ZNF423: variants seen among roughly 807,000 people sequenced by gnomAD.
ZNF423 encodes the protein Ebf-associated zinc finger protein.
In ZNF423, 12 loss-of-function variants were observed where a neutral mutation model predicts 95.8. That is an observed-to-expected ratio of 0.13 (90% CI 0.08 to 0.20). The LOEUF (loss-of-function observed/expected upper bound fraction) is 0.20, where lower values mean the gene tolerates loss of function less well. Among genes scored for constraint, ZNF423 ranks in the 10% least tolerant of loss-of-function variants. ZNF423 has a pLI of 1.00. For synonymous variants in ZNF423, 749 were observed against 711.9 expected (o/e 1.05, Z -0.83); for missense variants, 1,316 against 1,737.1 (o/e 0.76, Z 4.31).
intron 1 of ZNF423, among the ~76,000 whole-genome samples, chr16:49,842,394 AAGGAAGGAAGGAAGGAAGGCAGGCAGGC>A (rs1345148697): frequency 8.7e-6 from 1 of 114,500 alleles, no homozygotes; most frequent in Non-Finnish European, 1.9e-5. Flanking sequence ...GGAAGGAAGG[AAGGAAGGAAGGAAGGAAGGCAGGCAGGC>A]AGGCAGGCAG....
intron 3 of ZNF423, among the ~76,000 whole-genome samples, chr16:49,669,285 C>T (rs763224017): frequency 2.3e-4 from 35 of 151,104 alleles, no homozygotes; most frequent in African/African-American, 6.6e-4. Flanking sequence ...GCTGAGTTCG[C>T]GCCATTGCAC....
intron 3 of ZNF423, chr16:49,664,334 G>C: frequency 2.1e-6 from 2 of 966,104 alleles, no homozygotes; most frequent in South Asian, 4.8e-5. Context: ...CCCAGCTAGC[G>C]GGAGAGGAAG....
At chr16:49,821,805 G>C (rs1050464299) in intron 1 of ZNF423, among the ~76,000 whole-genome samples, 1 of 152,112 alleles carries the variant, frequency 6.6e-6, no homozygotes, top group Non-Finnish European at 1.5e-5. Context: ...GAGGCCACAC[G>C]GGGCTCCCCA....
chr16:49,674,338 G>T (rs2030948697), intron 3 of ZNF423, among the ~76,000 whole-genome samples: 1 of 152,156 alleles, frequency 6.6e-6, no homozygotes, highest in Non-Finnish European at 1.5e-5. Context: ...TGGTGTGTGT[G>T]TGTGCAGAGC....
At chr16:49,650,169 A>C (rs956921959) in intron 3 of ZNF423, among the ~76,000 whole-genome samples, 1 of 152,204 alleles carries the variant, frequency 6.6e-6, no homozygotes, top group African/African-American at 2.4e-5. Context: ...GCCCTTAACA[A>C]AACTTCCAGG....
chr16:49,758,430 C>A (rs537204304), intron 2 of ZNF423, among the ~76,000 whole-genome samples: 1 of 152,132 alleles, frequency 6.6e-6, no homozygotes, highest in Non-Finnish European at 1.5e-5. Flanking sequence ...TGAGCCACTG[C>A]GCCTGACCAA....
intron 2 of ZNF423, among the ~76,000 whole-genome samples, chr16:49,733,852 C>T (rs1385864290): frequency 6.6e-6 from 1 of 152,158 alleles, no homozygotes; most frequent in Non-Finnish European, 1.5e-5. Flanking sequence ...AGGCCTCCAC[C>T]CCAGGCAGGG....
chr16:49,772,289 G>A (rs967087349), intron 2 of ZNF423, among the ~76,000 whole-genome samples: 1 of 152,324 alleles, frequency 6.6e-6, no homozygotes, highest in South Asian at 2.1e-4. Context: ...CATTCTATCC[G>A]GACCATCAGT....
intron 3 of ZNF423, among the ~76,000 whole-genome samples, chr16:49,661,370 G>A (rs2030217284): frequency 1.3e-5 from 2 of 152,192 alleles, no homozygotes; most frequent in Non-Finnish European, 2.9e-5. Flanking sequence ...ATGCTTGCAG[G>A]CATGTGTGTC....
At chr16:49,697,665 G>C (rs1191660546) in intron 3 of ZNF423, among the ~76,000 whole-genome samples, 1 of 152,208 alleles carries the variant, frequency 6.6e-6, no homozygotes, top group Non-Finnish European at 1.5e-5. Flanking sequence ...CAACAGGACT[G>C]GCCCAGGAAG....
At chr16:49,839,572 G>A (rs1334344499) in intron 1 of ZNF423, among the ~76,000 whole-genome samples, 1 of 152,202 alleles carries the variant, frequency 6.6e-6, no homozygotes, top group African/African-American at 2.4e-5. Context: ...TGCAGCGGAG[G>A]AGCGGGACAT....
At chr16:49,819,340 T>C (rs1422035735) in intron 1 of ZNF423, among the ~76,000 whole-genome samples, 6 of 152,000 alleles carry the variant, frequency 3.9e-5, no homozygotes, top group Non-Finnish European at 7.4e-5. Context: ...GGCTACCATA[T>C]TGGACAGTAC....
intron 5 of ZNF423, among the ~76,000 whole-genome samples, chr16:49,579,835 T>C (rs6500234): frequency 0.35 from 53,624 of 151,900 alleles, 9,537 homozygotes; most frequent in East Asian, 0.43. Context: ...TGGCAGAGGG[T>C]CAGCTGAAGA....
intron 4 of ZNF423, 115 bp from the exon 5 acceptor site, chr16:49,626,369 C>G: frequency 8.1e-6 from 7 of 860,296 alleles, no homozygotes; most frequent in Non-Finnish European, 9.5e-6. Flanking sequence ...CAGTCCCCTC[C>G]TAGGTCTCCC....
intron 1 of ZNF423, among the ~76,000 whole-genome samples, chr16:49,792,619 G>A (rs933220868): frequency 2.0e-5 from 3 of 152,152 alleles, no homozygotes; most frequent in Non-Finnish European, 2.9e-5. Flanking sequence ...GTGTTAATGC[G>A]TTTTCCTACA....
chr16:49,571,452 G>A (rs775046838), intron 5 of ZNF423, among the ~76,000 whole-genome samples: 16 of 152,180 alleles, frequency 1.1e-4, no homozygotes, highest in East Asian at 1.9e-4. Context: ...GGTCTGACAC[G>A]TGGAGCGCAA....
intron 5 of ZNF423, among the ~76,000 whole-genome samples, chr16:49,620,519 C>A (rs373006525): frequency 6.6e-6 from 1 of 152,168 alleles, no homozygotes; most frequent in Non-Finnish European, 1.5e-5. Flanking sequence ...ATGACTAATG[C>A]CCCACCGGGA....
intron 2 of ZNF423, among the ~76,000 whole-genome samples, chr16:49,788,345 C>T (rs142517595): frequency 4.5e-4 from 69 of 152,354 alleles, no homozygotes; most frequent in African/African-American, 1.6e-3. Context: ...GAACCATCTT[C>T]AAGCTTCCCG....
chr16:49,567,303 T>G (rs1490161779), intron 5 of ZNF423, among the ~76,000 whole-genome samples: 1 of 152,154 alleles, frequency 6.6e-6, no homozygotes, highest in Non-Finnish European at 1.5e-5. Context: ...ATCCTTTCAT[T>G]TCCCAAGCCA....
Sources: gnomAD v4.1 joint callset for allele counts (sites outside exome capture counted in the v4.1 genomes callset) on GRCh38, gnomAD v4.1.1 for gene constraint, MANE v1.5 for transcripts, NCBI Gene and HGNC (gene_info 2026-07-23, HGNC 2026-07-21) for gene names.